CFAP92: variants seen among roughly 807,000 people sequenced by gnomAD.
CFAP92 encodes cilia and flagella associated protein 92 (putative).
CFAP92 carries 86 observed loss-of-function variants against 106.3 expected under a neutral mutation model. The observed-to-expected ratio is 0.81, with a 90% CI of 0.68 to 0.97. The LOEUF is 0.97. Ranked by LOEUF, CFAP92 falls within the 50% of genes least tolerant of loss-of-function variation. The pLI, the probability that CFAP92 is intolerant of heterozygous loss-of-function variation, is 0.00. For synonymous variants in CFAP92, 477 were observed against 506.4 expected, an observed-to-expected ratio of 0.94 and a Z score of 0.78; for missense variants, 1,204 against 1,283.8, an observed-to-expected ratio of 0.94 and a Z score of 0.95.
chr3:128,917,054 G>C (rs1445182368), intron 12 of CFAP92, among the ~76,000 whole-genome samples: 1 of 152,142 alleles, frequency 6.6e-6, no homozygotes, highest in Non-Finnish European at 1.5e-5. Flanking sequence ...AATCAGGGGA[G>C]GACAAAATTT....
At chr3:128,912,539 A>C in intron 15 of CFAP92, 1 of 1,614,040 alleles carries the variant, frequency 6.2e-7, no homozygotes, top group Non-Finnish European at 8.5e-7. Flanking sequence ...GCAGATTAAG[A>C]AAGTGTCCCA....
intron 12 of CFAP92, among the ~76,000 whole-genome samples, chr3:128,925,592 T>C (rs1937592446): frequency 6.6e-6 from 1 of 152,102 alleles, no homozygotes; most frequent in Non-Finnish European, 1.5e-5. Flanking sequence ...TATCTAACAT[T>C]GGAGTCCCAG....
Position 128,945,712 on chromosome 3 carries a change from G to A in CFAP92, c.1617C>T (p.Phe539=), listed in dbSNP as rs1165289919. 6.5e-7 allele frequency: 1 copy of A among 1,536,110 alleles called. No individual in the cohort carries two copies. Among genetic ancestry groups the A allele is most frequent in the South Asian group, 1.2e-5 (1 of 84,058 alleles). Residue 539 remains phenylalanine, a synonymous_variant, in exon 10 of 16, where the codon TTC becomes TTT. Transcript: ENST00000645291. ...GEDPLDSYLN[F]QALISPRETE... ...TCTCTCTGGGAGAGATGAGGGCCTG[G>A]AAGTTGAGGTATGAATCCAGAGGGT...
intron 13 of CFAP92, chr3:128,915,842 TC>T (rs1244869997): frequency 1.3e-5 from 6 of 477,442 alleles, no homozygotes; most frequent in Non-Finnish European, 1.8e-5. Context: ...CATAAAGTGT[TC>T]CCCAGAGGTA....
chr3:128,910,899 T>C, intron 15 of CFAP92: 1 of 1,483,124 alleles, frequency 6.7e-7, no homozygotes, highest in Admixed American at 1.7e-5. Flanking sequence ...CCTGTCAAGC[T>C]CCCAGAGCCT....
intron 1 of CFAP92, chr3:129,002,095 G>A: frequency 6.6e-7 from 1 of 1,510,406 alleles, no homozygotes; most frequent in South Asian, 1.3e-5. Context: ...TTCGGCACCC[G>A]TGCGGGGCCC....
chr3:128,996,689 C>T (rs1013351445), upstream of CFAP92, among the ~76,000 whole-genome samples: 2 of 152,254 alleles, frequency 1.3e-5, no homozygotes, highest in African/African-American at 4.8e-5. Context: ...TCTCACCACT[C>T]CATGCATCAG....
intron 15 of CFAP92, among the ~76,000 whole-genome samples, chr3:128,913,511 C>T (rs1936569227): frequency 7.3e-6 from 1 of 137,332 alleles, no homozygotes; most frequent in South Asian, 2.4e-4. Flanking sequence ...CTGTGGTGAA[C>T]TTTAAGCTTT....
upstream of CFAP92, among the ~76,000 whole-genome samples, chr3:128,997,430 T>C (rs139595737): frequency 4.7e-3 from 717 of 152,310 alleles, 4 homozygotes; most frequent in African/African-American, 0.016. Flanking sequence ...AACATTTTCA[T>C]CCCCCTAATA....
chr3:128,964,916 C>G (rs1271530932), intron 9 of CFAP92, among the ~76,000 whole-genome samples: 2 of 152,190 alleles, frequency 1.3e-5, no homozygotes, highest in African/African-American at 4.8e-5. Context: ...AACACTTCAA[C>G]ACTATTTTGT....
upstream of CFAP92, chr3:129,003,753 T>C (rs911049066): frequency 2.2e-6 from 3 of 1,344,808 alleles, no homozygotes; most frequent in Non-Finnish European, 2.9e-6. Context: ...TGCATCTGGC[T>C]GGGGCACTTA....
At chr3:128,946,112 ATAAGAGACAC>A (rs973869105) in intron 9 of CFAP92, 137 bp from the exon 10 acceptor site, 1 of 568,118 alleles carries the variant, frequency 1.8e-6, no homozygotes, top group African/African-American at 1.9e-5. Flanking sequence ...CAAAATATCC[ATAAGAGACAC>A]TACTGTGCAA....
At chr3:128,951,080 T>G (rs1940730885) in intron 9 of CFAP92, among the ~76,000 whole-genome samples, 1 of 151,914 alleles carries the variant, frequency 6.6e-6, no homozygotes, top group Non-Finnish European at 1.5e-5. Flanking sequence ...TAAAAACAAG[T>G]AGAAGATAGC....
At chr3:128,961,288 C>T (rs538525661) in intron 9 of CFAP92, among the ~76,000 whole-genome samples, 9 of 152,198 alleles carry the variant, frequency 5.9e-5, no homozygotes, top group African/African-American at 2.2e-4. Context: ...CAGGGCAACT[C>T]CTCCCAAATC....
At chr3:128,940,844 A>T (rs1249905518) in intron 10 of CFAP92, among the ~76,000 whole-genome samples, 1 of 152,184 alleles carries the variant, frequency 6.6e-6, no homozygotes, top group Non-Finnish European at 1.5e-5. Context: ...TAAAGGGTTT[A>T]AAATTCCAAC....
At chr3:129,020,925 C>G in the CFAP92 span, among the ~76,000 whole-genome samples, 1 of 152,182 alleles carries the variant, frequency 6.6e-6, no homozygotes, top group Admixed American at 6.5e-5. Flanking sequence ...GTGGGCACCT[C>G]GTAGTCCCAG....
rs780605439 is a variant in CFAP92, at chr3:128,987,772, T to C, written c.511A>G (p.Asn171Asp). 5.6e-6 allele frequency: 9 copies of C among 1,613,772 alleles called. No homozygotes were observed. Among genetic ancestry groups the C allele is most frequent in the Non-Finnish European group, 7.6e-6 (9 of 1,179,826 alleles). The change falls in exon 4 of 16, where the codon AAT becomes GAT. Residue 171 changes from asparagine to aspartate, a missense_variant. Asn to Asp is a conservative substitution (Grantham distance 23, BLOSUM62 1). Coordinates refer to ENST00000645291, the MANE Select transcript of CFAP92 (RefSeq NM_001394090.1). Reference sequence around the variant, plus strand: ...AATAATTCCTTTGTCACAGTGATATTAAAAGTCTGCTCCCACGACACCCAG... The same window carrying C: ...AATAATTCCTTTGTCACAGTGATATCAAAAGTCTGCTCCCACGACACCCAG... ...KAWVSWEQTF[N>D]ITVTKELLKK...
chr3:128,923,963 T>C lies in CFAP92; in HGVS notation c.2752-7692A>G, dbSNP rs546325882. On this transcript the variant is annotated intron_variant, in intron 12 of 15. Coordinates refer to ENST00000645291, the MANE Select transcript of CFAP92 (RefSeq NM_001394090.1). ...AATCCTCTTAAATGGATTAAGGCCA[T>C]TGGAAGCTCTATACTTGGCAGATTT... 1.3e-4 allele frequency among the ~76,000 whole-genome samples: 20 copies of C among 152,300 alleles called. No individual in the cohort carries two copies. The South Asian group carries it at 1.9e-3, about 14-fold the overall frequency.
intron 4 of CFAP92, among the ~76,000 whole-genome samples, chr3:128,987,273 C>G (rs559102589): frequency 2.0e-4 from 30 of 151,784 alleles, no homozygotes; most frequent in Non-Finnish European, 4.0e-4. Context: ...TTTAAGTTTT[C>G]TCTTTTGTTC....
Sources: gnomAD v4.1 joint callset for allele counts (sites outside exome capture counted in the v4.1 genomes callset) on GRCh38, gnomAD v4.1.1 for gene constraint, MANE v1.5 for transcripts, NCBI Gene and HGNC (gene_info 2026-07-23, HGNC 2026-07-21) for gene names.